Variants in NR5A2 observed in about 807,000 individuals in gnomAD.
NR5A2 encodes the protein nuclear receptor subfamily 5 group A member 2, also known as CYP7A promoter-binding factor.
In NR5A2, 26 loss-of-function variants were observed where a neutral mutation model predicts 62.7. The observed-to-expected ratio is 0.41, with a 90% CI of 0.30 to 0.58. The LOEUF (loss-of-function observed/expected upper bound fraction) is 0.58. Ranked by LOEUF, NR5A2 falls within the 20% of genes least tolerant of loss-of-function variation. NR5A2 has a pLI of 0.22. For missense variants in NR5A2, 541 were observed against 669.1 expected (o/e 0.81, Z 2.11); for synonymous variants, 246 against 241.7 (o/e 1.02, Z -0.16).
chr1:200,033,229 C>T (rs552019613), intron 1 of NR5A2, among the ~76,000 whole-genome samples: 4 of 152,186 alleles, frequency 2.6e-5, no homozygotes, highest in Admixed American at 2.6e-4. Context: ...GGGTTACCAA[C>T]AGATGGTGAG....
At chr1:200,143,079 T>C (rs567384577) in intron 7 of NR5A2, among the ~76,000 whole-genome samples, 1 of 152,296 alleles carries the variant, frequency 6.6e-6, no homozygotes, top group Non-Finnish European at 1.5e-5. Flanking sequence ...ACATTATTAG[T>C]TGCAGACTTA....
chr1:200,094,603 G>T (rs1251748797), intron 5 of NR5A2, among the ~76,000 whole-genome samples: 1 of 134,694 alleles, frequency 7.4e-6, no homozygotes, highest in Non-Finnish European at 1.5e-5. Flanking sequence ...TTCGATCTCG[G>T]CTCACTGCAA....
At chr1:200,032,402 G>C in intron 1 of NR5A2, among the ~76,000 whole-genome samples, 1 of 152,194 alleles carries the variant, frequency 6.6e-6, no homozygotes, top group East Asian at 1.9e-4. Context: ...TTTTTGTGTG[G>C]TTGATAAGTA....
intron 5 of NR5A2, among the ~76,000 whole-genome samples, chr1:200,055,120 C>A (rs938810966): frequency 6.6e-6 from 1 of 151,928 alleles, no homozygotes; most frequent in Non-Finnish European, 1.5e-5. Flanking sequence ...GTCTGGAACT[C>A]CTGGGTTCAA....
At chr1:200,096,995 G>A (rs1463833582) in intron 5 of NR5A2, among the ~76,000 whole-genome samples, 1 of 152,148 alleles carries the variant, frequency 6.6e-6, no homozygotes, top group African/African-American at 2.4e-5. Context: ...ATCATTAAGC[G>A]AAGCATGACC....
intron 1 of NR5A2, among the ~76,000 whole-genome samples, chr1:200,032,356 T>C (rs1328776209): frequency 1.3e-5 from 2 of 152,230 alleles, no homozygotes; most frequent in Admixed American, 1.3e-4. Context: ...ATAAAGGTTG[T>C]CTCTTCTTTA....
chr1:200,097,236 C>CT (rs1184495007), intron 5 of NR5A2, among the ~76,000 whole-genome samples: 1 of 151,850 alleles, frequency 6.6e-6, no homozygotes, highest in Non-Finnish European at 1.5e-5. Context: ...TAAAATAAAC[C>CT]TTTGTCAGAA....
chr1:200,101,990 A>G (rs545872527), intron 5 of NR5A2, among the ~76,000 whole-genome samples: 2 of 152,222 alleles, frequency 1.3e-5, no homozygotes, highest in Non-Finnish European at 2.9e-5. Flanking sequence ...GCTGTTTAAC[A>G]TTTACATACA....
At chr1:200,032,149 T>C (rs922477325) in intron 1 of NR5A2, among the ~76,000 whole-genome samples, 1 of 152,200 alleles carries the variant, frequency 6.6e-6, no homozygotes, top group Non-Finnish European at 1.5e-5. Flanking sequence ...AGGATAGAAC[T>C]AGTTCTTTGA....
At chr1:200,158,862 C>G (rs1653502777) in intron 7 of NR5A2, among the ~76,000 whole-genome samples, 1 of 151,412 alleles carries the variant, frequency 6.6e-6, no homozygotes, top group Non-Finnish European at 1.5e-5. Flanking sequence ...CTATCCTATT[C>G]TGCATTCTGG....
intron 5 of NR5A2, among the ~76,000 whole-genome samples, chr1:200,054,701 G>A (rs1383458052): frequency 6.6e-6 from 1 of 152,142 alleles, no homozygotes; most frequent in South Asian, 2.1e-4. Flanking sequence ...TAAAGCGAGG[G>A]CACAAGGGGA....
intron 7 of NR5A2, among the ~76,000 whole-genome samples, chr1:200,164,636 C>T (rs1653808439): frequency 6.6e-6 from 1 of 151,442 alleles, no homozygotes. Flanking sequence ...CAACCTCCAC[C>T]TCGTGGGTTC....
At chr1:200,091,098 C>T (rs1265602649) in intron 5 of NR5A2, among the ~76,000 whole-genome samples, 1 of 152,048 alleles carries the variant, frequency 6.6e-6, no homozygotes. Flanking sequence ...ATGGGGAGAC[C>T]ATGTCCAAAT....
intron 7 of NR5A2, among the ~76,000 whole-genome samples, chr1:200,141,325 T>C (rs1272887891): frequency 6.6e-6 from 1 of 152,020 alleles, no homozygotes; most frequent in Non-Finnish European, 1.5e-5. Flanking sequence ...TCTCCATCTC[T>C]GTAATTTTGA....
intron 7 of NR5A2, among the ~76,000 whole-genome samples, chr1:200,123,410 G>T (rs1199344667): frequency 6.6e-6 from 1 of 152,214 alleles, no homozygotes; most frequent in African/African-American, 2.4e-5. Context: ...TTAGTTGATG[G>T]ATACGGCTTG....
At chr1:200,102,220 A>T (rs115219481) in intron 5 of NR5A2, among the ~76,000 whole-genome samples, 2,826 of 152,334 alleles carry the variant, frequency 0.019, 90 homozygotes, top group African/African-American at 0.064. Context: ...AAGAATTTTT[A>T]AAATTTTTGA....
chr1:200,130,182 A>G (rs1666903737), intron 7 of NR5A2, among the ~76,000 whole-genome samples: 1 of 152,218 alleles, frequency 6.6e-6, no homozygotes. Context: ...AAACAAAGGG[A>G]AAAATGAATC....
intron 5 of NR5A2, among the ~76,000 whole-genome samples, chr1:200,106,886 A>G (rs965614667): frequency 2.6e-5 from 4 of 152,238 alleles, no homozygotes; most frequent in African/African-American, 4.8e-5. Context: ...TATGTTATCC[A>G]AAGCACCATG....
At chr1:200,170,927 C>T (rs1372168197) in intron 7 of NR5A2, among the ~76,000 whole-genome samples, 1 of 152,160 alleles carries the variant, frequency 6.6e-6, no homozygotes, top group Non-Finnish European at 1.5e-5. Context: ...TTTAACAGGT[C>T]AAATTCACAA....
Sources: gnomAD v4.1 joint callset for allele counts (sites outside exome capture counted in the v4.1 genomes callset) on GRCh38, gnomAD v4.1.1 for gene constraint, MANE v1.5 for transcripts, NCBI Gene and HGNC (gene_info 2026-07-23, HGNC 2026-07-21) for gene names.